Variants in MDH1B observed in about 807,000 individuals in gnomAD.
MDH1B encodes the protein putative malate dehydrogenase 1B.
A neutral mutation model predicts 61.4 loss-of-function variants in MDH1B; 60 were observed. That is an observed-to-expected ratio of 0.98 (90% CI 0.79 to 1.21). MDH1B has a LOEUF of 1.21. MDH1B is among the 50% of genes most tolerant of loss of function. The pLI, the probability that MDH1B is intolerant of heterozygous loss-of-function variation, is 0.00. For missense variants in MDH1B, 587 were observed against 632.1 expected (o/e 0.93, Z 0.76); for synonymous variants, 236 against 218.7 (o/e 1.08, Z -0.70).
Position 206,751,053 on chromosome 2 carries a change from C to G in MDH1B, c.933G>C (p.Trp311Cys). 6.3e-7 allele frequency: 1 copy of G among 1,598,428 alleles called. No homozygotes were observed. Among genetic ancestry groups the G allele is most frequent in the African/African-American group, 1.3e-5 (1 of 74,616 alleles). ...APSYIKDVIIWGNISGNNYVD... is the reference protein window; with the variant it reads ...APSYIKDVIICGNISGNNYVD... ...CGTAATTATTTCCACTGATATTACC[C>G]CAAATGATCACGTCTTTAATGTCTG... is the stretch of plus-strand genomic sequence containing the variant. Residue 311 changes from tryptophan (W) to cysteine (C), a missense_variant, in exon 6 of 12, where the codon TGG (tryptophan) becomes TGC (cysteine). Trp to Cys is a radical substitution (Grantham distance 215). Transcript: ENST00000374412.
At chr2:206,756,131 G>T (rs10164956) in intron 4 of MDH1B, among the ~76,000 whole-genome samples, 4 of 152,058 alleles carry the variant, frequency 2.6e-5, no homozygotes, top group Non-Finnish European at 4.4e-5. Context: ...GTGGGTTTGG[G>T]GAGGTGTATA....
chr2:206,759,820 C>A (rs1185942768), intron 2 of MDH1B, among the ~76,000 whole-genome samples: 2 of 152,108 alleles, frequency 1.3e-5, no homozygotes, highest in African/African-American at 4.8e-5. Flanking sequence ...GCCAACCAGA[C>A]AACATTTATT....
rs1157772324 is a variant in MDH1B at position 206,737,799 on chromosome 2, CTT to C, written c.*682_*683del. 2 of 152,166 alleles carry C rather than the reference CTT, an allele frequency of 1.3e-5. No homozygotes were observed. 9.4% of individuals were successfully genotyped at this position (152,166 alleles called of 1,614,324 possible). A position where few individuals can be genotyped will look rare whatever the true frequency, so the allele number is the denominator to read the frequency against. On this transcript the variant is annotated 3_prime_UTR_variant, in exon 12 of 12. Transcript: ENST00000374412. Reference sequence around the variant, plus strand: ...AATTCATTTTATTCAGGCCATATCTCTTGTCAAGGAGCAGAAACCTATTCAAT... The same window carrying C: ...AATTCATTTTATTCAGGCCATATCTCGTCAAGGAGCAGAAACCTATTCAAT...
At chr2:206,758,407 T>G (rs1400707887) in intron 2 of MDH1B, among the ~76,000 whole-genome samples, 1 of 152,030 alleles carries the variant, frequency 6.6e-6, no homozygotes, top group Non-Finnish European at 1.5e-5. Flanking sequence ...CTTAGAAACT[T>G]GGAGAGAGTA....
Position 206,750,995 on chromosome 2 carries a change from C to G in MDH1B, c.991G>C (p.Glu331Gln), listed in dbSNP as rs1688403747. ...TGAAGAGGTCCCCAAATGGCACTCT[C>G]ATATCTGTACACCCTTGTTTTTCTC... ...DLRKTRVYRY[E>Q]SAIWGPLHYS... Residue 331 changes from glutamate (E) to glutamine (Q), a missense_variant, in exon 6 of 12, where the codon GAG (glutamate) becomes CAG (glutamine). Glu to Gln is a conservative substitution (Grantham distance 29). Transcript: ENST00000374412. 1 of 1,611,756 alleles carries G rather than the reference C, an allele frequency of 6.2e-7. No homozygotes were observed. The highest frequency in any genetic ancestry group is 8.5e-7 in the Non-Finnish European group (1 of 1,178,606).
Position 206,751,083 on chromosome 2 carries a change from G to C in MDH1B, c.911-8C>G. 1 of 1,522,856 alleles carries C rather than the reference G, an allele frequency of 6.6e-7. No individual in the cohort carries two copies. Among genetic ancestry groups the C allele is most frequent in the Middle Eastern group, 1.8e-4 (1 of 5,706 alleles). 94.3% of individuals were successfully genotyped at this position (1,522,856 alleles called of 1,614,324 possible). On this transcript the variant is annotated splice_polypyrimidine_tract_variant and splice_region_variant and intron_variant, in intron 5 of 11. Coordinates refer to ENST00000374412, the MANE Select transcript of MDH1B (RefSeq NM_001039845.3). The stretch of plus-strand genomic sequence containing the variant: ...TGATCACGTCTTTAATGTCTGTGAA[G>C]AATAGAAAGTTTAGAAAAATAATAA...
chr2:206,748,312 G>C (rs1229215843), intron 7 of MDH1B, among the ~76,000 whole-genome samples: 2 of 152,208 alleles, frequency 1.3e-5, no homozygotes, highest in Non-Finnish European at 2.9e-5. Context: ...CCAGAAGGAG[G>C]GGGTTGCAGT....
chr2:206,758,492 G>A (rs1045863886), intron 2 of MDH1B, among the ~76,000 whole-genome samples: 5 of 152,158 alleles, frequency 3.3e-5, no homozygotes, highest in African/African-American at 7.2e-5. Flanking sequence ...GATGCCAGGT[G>A]TGGTGGCTCA....
At chr2:206,739,570 T>G (rs1396396269) in intron 11 of MDH1B, 23 bp downstream of exon 11, 2 of 1,601,562 alleles carry the variant, frequency 1.2e-6, no homozygotes, top group Non-Finnish European at 1.7e-6. Context: ...AAAATACTAG[T>G]TAATGTTTTG....
At chr2:206,763,225 T>C (rs949814167) in intron 1 of MDH1B, among the ~76,000 whole-genome samples, 1 of 148,706 alleles carries the variant, frequency 6.7e-6, no homozygotes, top group Admixed American at 6.8e-5. Flanking sequence ...TCCAGAGTAT[T>C]AAACCTACTC....
chr2:206,758,339 G>C (rs1476577288), intron 2 of MDH1B, among the ~76,000 whole-genome samples: 2 of 152,226 alleles, frequency 1.3e-5, no homozygotes, highest in African/African-American at 4.8e-5. Flanking sequence ...GGCAATTCAA[G>C]AGTGTATACC....
intron 2 of MDH1B, 128 bp from the exon 3 acceptor site, chr2:206,757,499 A>C: frequency 1.5e-6 from 1 of 681,778 alleles, no homozygotes; most frequent in African/African-American, 1.8e-5. Flanking sequence ...AATATAATTT[A>C]GATATCTTCA....
chr2:206,747,953 G>C (rs187886146), intron 7 of MDH1B, among the ~76,000 whole-genome samples: 119 of 152,332 alleles, frequency 7.8e-4, no homozygotes, highest in African/African-American at 2.8e-3. Flanking sequence ...GAGCTCGGCA[G>C]AGAGGTCCAG....
intron 1 of MDH1B, among the ~76,000 whole-genome samples, chr2:206,764,574 C>A (rs770979510): frequency 8.5e-5 from 13 of 152,204 alleles, no homozygotes; most frequent in Non-Finnish European, 1.8e-4. Context: ...CAGTTGAGTC[C>A]TTGCTGTCAA....
chr2:206,742,079 A>G (rs1050023232), intron 9 of MDH1B, among the ~76,000 whole-genome samples: 1 of 152,200 alleles, frequency 6.6e-6, no homozygotes, highest in Admixed American at 6.5e-5. Context: ...TCCTAAGTTC[A>G]GTGGACAAAG....
At position 206,755,426 on chromosome 2, in the gene MDH1B, T is replaced by C. The variant is rs571736348; in HGVS notation, c.493A>G (p.Ile165Val). 2.5e-6 allele frequency: 4 copies of C among 1,614,106 alleles called. No individual in the cohort carries two copies. Among genetic ancestry groups the C allele is most frequent in the Non-Finnish European group, 3.4e-6 (4 of 1,180,046 alleles). The change falls in exon 5 of 12, where the codon ATA becomes GTA. Residue 165 changes from isoleucine (I) to valine (V), a missense_variant. Ile to Val is a conservative substitution (Grantham distance 29). Coordinates refer to ENST00000374412, the MANE Select transcript of MDH1B (RefSeq NM_001039845.3). ...GCCTGCTTGTTGTCAAATAGAGTTATGCTAATTTCTGTATGCATCCCAAAC... is the reference window on the plus strand; with the variant it reads ...GCCTGCTTGTTGTCAAATAGAGTTACGCTAATTTCTGTATGCATCCCAAAC... ...EVFGMHTEIS[I>V]TLFDNKQAEE...
chr2:206,762,940 G>A (rs1246843540), intron 1 of MDH1B, among the ~76,000 whole-genome samples: 1 of 152,028 alleles, frequency 6.6e-6, no homozygotes, highest in Non-Finnish European at 1.5e-5. Flanking sequence ...CCATTAAAAG[G>A]TATCATTCTG....
chr2:206,741,646 G>T (rs1176285598), intron 9 of MDH1B, among the ~76,000 whole-genome samples: 2 of 152,168 alleles, frequency 1.3e-5, no homozygotes, highest in Non-Finnish European at 2.9e-5. Context: ...CTTGCAGACA[G>T]CCCATTGTGG....
rs373872234 is a variant in MDH1B at position 206,757,082 on chromosome 2, A to G, written c.271-42T>C. 7.2e-5 allele frequency: 115 copies of G among 1,587,474 alleles called. 1 individual carries two copies. The African/African-American group carries it at 1.3e-3, about 18-fold the overall frequency. ...AAAAAGTCAATATCAGAGAATAGAT[A>G]ACTAGTTGAAATTGGCTATAATGGA... On this transcript the variant is annotated intron_variant, in intron 3 of 11. Coordinates refer to ENST00000374412, the MANE Select transcript of MDH1B (RefSeq NM_001039845.3).
Sources: gnomAD v4.1 joint callset for allele counts (sites outside exome capture counted in the v4.1 genomes callset) on GRCh38, gnomAD v4.1.1 for gene constraint, MANE v1.5 for transcripts, NCBI Gene and HGNC (gene_info 2026-07-23, HGNC 2026-07-21) for gene names.